DCHS2: variants seen among roughly 807,000 people sequenced by gnomAD.
DCHS2 encodes the protein protocadherin-23.
DCHS2 carries 142 observed loss-of-function variants against 182.4 expected under a neutral mutation model. The ratio of observed to expected loss-of-function variants is 0.78; its 90% CI spans 0.68 to 0.89. DCHS2 has a LOEUF of 0.89. Among genes scored for constraint, DCHS2 ranks in the 40% least tolerant of loss-of-function variants. The probability of loss-of-function intolerance (pLI) is 0.00; values close to 1 mark genes in which losing one functional copy is unlikely to be tolerated. For missense variants in DCHS2, 4,319 were observed against 4,198.6 expected (o/e 1.03, Z -0.79); for synonymous variants, 1,740 against 1,663.3 (o/e 1.05, Z -1.12).
intron 1 of DCHS2, among the ~76,000 whole-genome samples, chr4:154,383,716 A>G (rs752983690): frequency 3.3e-5 from 5 of 152,124 alleles, no homozygotes; most frequent in Admixed American, 3.3e-4. Context: ...TGGTCAGTCC[A>G]GCCATTTATA....
intron 4 of DCHS2, 135 bp downstream of exon 4, chr4:154,334,733 C>A: frequency 2.9e-6 from 2 of 683,108 alleles, no homozygotes; most frequent in South Asian, 2.0e-5. Context: ...AAGAGCAAGC[C>A]ACAGTTTGTG....
chr4:154,405,463 T>C (rs1216877769), intron 1 of DCHS2, among the ~76,000 whole-genome samples: 1 of 151,052 alleles, frequency 6.6e-6, no homozygotes, highest in Non-Finnish European at 1.5e-5. Flanking sequence ...CATATATATA[T>C]ATATATATTT....
intron 3 of DCHS2, among the ~76,000 whole-genome samples, chr4:154,343,963 C>T (rs1180956704): frequency 6.6e-6 from 1 of 152,152 alleles, no homozygotes; most frequent in Non-Finnish European, 1.5e-5. Context: ...CTTCCTTTCA[C>T]TCGGACACTT....
At chr4:154,366,524 G>C (rs1730371721) in intron 2 of DCHS2, 83 bp from the exon 3 acceptor site, 1 of 905,470 alleles carries the variant, frequency 1.1e-6, no homozygotes, top group South Asian at 1.5e-5. Context: ...CCCTACAATA[G>C]TCTTGAAACA....
At chr4:154,343,873 C>T (rs1428435530) in intron 3 of DCHS2, among the ~76,000 whole-genome samples, 3 of 152,192 alleles carry the variant, frequency 2.0e-5, no homozygotes, top group Non-Finnish European at 2.9e-5. Flanking sequence ...TAGCTTTTGG[C>T]TTATCTGCAC....
At chr4:154,417,708 A>T (rs987662977) in intron 1 of DCHS2, among the ~76,000 whole-genome samples, 1 of 152,224 alleles carries the variant, frequency 6.6e-6, no homozygotes, top group South Asian at 2.1e-4. Flanking sequence ...GCCAGGGGGA[A>T]AAAAGTGTCC....
intron 5 of DCHS2, among the ~76,000 whole-genome samples, chr4:154,330,706 A>G (rs1736486801): frequency 1.3e-5 from 2 of 152,338 alleles, no homozygotes; most frequent in Admixed American, 1.3e-4. Context: ...CAGGGAACAA[A>G]AATGAAAATT....
intron 13 of DCHS2, among the ~76,000 whole-genome samples, chr4:154,283,314 A>T (rs1734241045): frequency 6.6e-6 from 1 of 152,178 alleles, no homozygotes; most frequent in South Asian, 2.1e-4. Context: ...CTCAAAAGAA[A>T]TAATTTTCCA....
At chr4:154,268,782 A>G in intron 14 of DCHS2, among the ~76,000 whole-genome samples, 1 of 152,292 alleles carries the variant, frequency 6.6e-6, no homozygotes, top group South Asian at 2.1e-4. Context: ...TATCTAATCA[A>G]AAAATAAAGA....
At chr4:154,390,130 T>TATA (rs1731626502) in intron 1 of DCHS2, among the ~76,000 whole-genome samples, 1 of 151,778 alleles carries the variant, frequency 6.6e-6, no homozygotes, top group East Asian at 1.9e-4. Flanking sequence ...CTTTTATTAT[T>TATA]ATACTTTAAG....
chr4:154,447,915 G>A (rs1245083353), intron 1 of DCHS2, among the ~76,000 whole-genome samples: 4 of 152,224 alleles, frequency 2.6e-5, no homozygotes, highest in African/African-American at 7.2e-5. Flanking sequence ...TCAATCCTAC[G>A]TTTCTCTCCA....
At chr4:154,401,579 A>C (rs1355429610) in intron 1 of DCHS2, among the ~76,000 whole-genome samples, 1 of 152,212 alleles carries the variant, frequency 6.6e-6, no homozygotes, top group Non-Finnish European at 1.5e-5. Context: ...TCTTTTGATG[A>C]GCAAATTTTT....
chr4:154,339,528 C>A (rs560884789), intron 3 of DCHS2, among the ~76,000 whole-genome samples: 236 of 151,638 alleles, frequency 1.6e-3, no homozygotes, highest in African/African-American at 4.2e-3. Flanking sequence ...CGGCTCACTG[C>A]AACCTCTGCC....
intron 2 of DCHS2, among the ~76,000 whole-genome samples, chr4:154,368,089 C>T (rs1730474585): frequency 6.6e-6 from 1 of 152,118 alleles, no homozygotes; most frequent in Admixed American, 6.5e-5. Flanking sequence ...GTTATGATTC[C>T]ACAAAGAACA....
chr4:154,450,165 G>A (rs1016740939), intron 1 of DCHS2, among the ~76,000 whole-genome samples: 3 of 152,194 alleles, frequency 2.0e-5, no homozygotes, highest in Admixed American at 1.3e-4. Context: ...AGAGAAAGGC[G>A]ACAGTGGGAA....
intron 1 of DCHS2, among the ~76,000 whole-genome samples, chr4:154,454,634 A>G (rs1246312990): frequency 6.6e-6 from 1 of 152,142 alleles, no homozygotes; most frequent in Non-Finnish European, 1.5e-5. Context: ...AAAGCTGCCT[A>G]TGACCCCCCT....
rs1241153557 is a variant in DCHS2 at position 154,442,410 on chromosome 4, C to T, written c.2052+46894G>A. Among the ~76,000 whole-genome samples the T allele has an allele frequency of 1.3e-5, 2 of 151,912 alleles. 1 individual carries two copies. Among genetic ancestry groups the T allele is most frequent in the Admixed American group, 1.3e-4 (2 of 15,234 alleles). On this transcript the variant is annotated intron_variant, in intron 1 of 19. Coordinates refer to ENST00000357232, the MANE Select transcript of DCHS2 (RefSeq NM_001358235.2). ...CTCAAACATGCCCTTCCTGAGTCCCCCAAACCCCTTGACTGTACCTTGAAT... is the reference window on the plus strand; with the variant it reads ...CTCAAACATGCCCTTCCTGAGTCCCTCAAACCCCTTGACTGTACCTTGAAT...
intron 2 of DCHS2, among the ~76,000 whole-genome samples, chr4:154,375,388 A>G (rs1310162204): frequency 6.6e-6 from 1 of 152,144 alleles, no homozygotes; most frequent in Admixed American, 6.5e-5. Flanking sequence ...AGAAAAGGCC[A>G]GCCACGGAAT....
chr4:154,474,722 T>C (rs767771209), intron 1 of DCHS2, among the ~76,000 whole-genome samples: 2 of 152,140 alleles, frequency 1.3e-5, no homozygotes, highest in Non-Finnish European at 2.9e-5. Flanking sequence ...TTGGACAGGA[T>C]ACTTAACCAT....
Sources: gnomAD v4.1 joint callset for allele counts (sites outside exome capture counted in the v4.1 genomes callset) on GRCh38, gnomAD v4.1.1 for gene constraint, MANE v1.5 for transcripts, NCBI Gene and HGNC (gene_info 2026-07-23, HGNC 2026-07-21) for gene names.